ARHGAP5: variants seen among roughly 807,000 people sequenced by gnomAD.
ARHGAP5 encodes the protein Rho GTPase activating protein 5.
In ARHGAP5, 23 loss-of-function variants were observed where a neutral mutation model predicts 116.6. The observed-to-expected ratio is 0.20, with a 90% CI of 0.14 to 0.28. The LOEUF (loss-of-function observed/expected upper bound fraction) is 0.28. Among genes scored for constraint, ARHGAP5 ranks in the 10% least tolerant of loss-of-function variants. ARHGAP5 has a pLI of 1.00. For synonymous variants in ARHGAP5, 574 were observed against 602.0 expected (o/e 0.95, Z 0.68); for missense variants, 1,405 against 1,774.8 (o/e 0.79, Z 3.74).
chr14:32,114,956 G>A (rs530097489), intron 2 of ARHGAP5, among the ~76,000 whole-genome samples: 1 of 152,200 alleles, frequency 6.6e-6, no homozygotes, highest in East Asian at 1.9e-4. Flanking sequence ...AAACCAGTAC[G>A]ACAAATATGA....
chr14:32,120,292 A>G (rs1879818949), intron 3 of ARHGAP5, among the ~76,000 whole-genome samples: 2 of 151,952 alleles, frequency 1.3e-5, no homozygotes, highest in Admixed American at 6.5e-5. Context: ...CTTCCCTGAT[A>G]TTACTAAATT....
chr14:32,121,311 C>T (rs1450881887), intron 3 of ARHGAP5, among the ~76,000 whole-genome samples: 2 of 151,938 alleles, frequency 1.3e-5, no homozygotes, highest in Non-Finnish European at 2.9e-5. Context: ...AATGTTTTTT[C>T]CTTTGAGTAG....
intron 2 of ARHGAP5, among the ~76,000 whole-genome samples, chr14:32,108,150 GCC>G: frequency 6.6e-6 from 1 of 152,170 alleles, no homozygotes; most frequent in East Asian, 1.9e-4. Context: ...GGTAGGGAAA[GCC>G]AGATGGAAGT....
intron 2 of ARHGAP5, among the ~76,000 whole-genome samples, chr14:32,096,326 G>T (rs1156923974): frequency 6.6e-6 from 1 of 152,100 alleles, no homozygotes; most frequent in Non-Finnish European, 1.5e-5. Context: ...TATACTTTTA[G>T]TCAGGAGGCA....
chr14:32,127,910 C>T lies in ARHGAP5; in HGVS notation c.3865+10623C>T, dbSNP rs913845131. 8.0e-4 allele frequency among the ~76,000 whole-genome samples: 120 copies of T among 149,912 alleles called. 3 individuals are homozygous for T. The highest frequency in any genetic ancestry group is 7.2e-3 in the Admixed American group (108 of 15,046). ...CAGACGGGGCGGCTGGGCAGAGGCACTCCTCAGTTCCCAGACGTGGTCACG... is the reference window on the plus strand; with the variant it reads ...CAGACGGGGCGGCTGGGCAGAGGCATTCCTCAGTTCCCAGACGTGGTCACG... On this transcript the variant is annotated intron_variant, in intron 3 of 6. Coordinates refer to ENST00000345122, the MANE Select transcript of ARHGAP5 (RefSeq NM_001030055.2).
At position 32,129,125 on chromosome 14, in the gene ARHGAP5, CAT is replaced by C. The variant is rs544794920; in HGVS notation, c.3865+11841_3865+11842del. Among the ~76,000 whole-genome samples the C allele has an allele frequency of 5.0e-3, 767 of 152,292 alleles. 4 individuals are homozygous for C. The highest frequency in any genetic ancestry group is 8.7e-3 in the Non-Finnish European group (592 of 68,024). On this transcript the variant is annotated intron_variant, in intron 3 of 6. Transcript: ENST00000345122. ...TCTAATCTGCTGTGAGTCAGGAAAA[CAT>C]ATGGCAGAGTTAAATTGTGCTTTTG...
intron 1 of ARHGAP5, among the ~76,000 whole-genome samples, chr14:32,080,785 T>TC (rs71809883): frequency 2.0e-5 from 3 of 151,550 alleles, no homozygotes; most frequent in Admixed American, 6.6e-5. Context: ...ATTTTTTTTT[T>TC]CCCCCCACTG....
intron 1 of ARHGAP5, among the ~76,000 whole-genome samples, chr14:32,088,180 G>A (rs970383704): frequency 2.6e-5 from 4 of 151,680 alleles, no homozygotes; most frequent in Non-Finnish European, 4.4e-5. Context: ...GACAAGGGAC[G>A]GTTTTACTTT....
At chr14:32,139,879 T>G (rs148135309) in intron 3 of ARHGAP5, among the ~76,000 whole-genome samples, 21 of 150,812 alleles carry the variant, frequency 1.4e-4, no homozygotes, top group Non-Finnish European at 2.8e-4. Flanking sequence ...TTCTTTTTGT[T>G]CATGTCAAAG....
At chr14:32,109,900 C>T (rs1879201737) in intron 2 of ARHGAP5, among the ~76,000 whole-genome samples, 1 of 151,002 alleles carries the variant, frequency 6.6e-6, no homozygotes. Context: ...CTTTTTTTTT[C>T]CCCCCACTGT....
In ARHGAP5 at chr14:32,128,236, C is replaced by T. The variant is rs368641954; in HGVS notation, c.3865+10949C>T. ...GCAGAGGGGCTCCTCACATCCCAGA[C>T]GATGGGTGGCCAGGCAGACGCTCCT... On this transcript the variant is annotated intron_variant, in intron 3 of 6. Transcript: ENST00000345122. 3.1e-4 allele frequency among the ~76,000 whole-genome samples: 47 copies of T among 151,276 alleles called. No individual in the cohort carries two copies. In the East Asian group the frequency reaches 7.8e-3, roughly 25 times the overall value.
At chr14:32,136,061 A>G (rs988981096) in intron 3 of ARHGAP5, among the ~76,000 whole-genome samples, 6 of 152,230 alleles carry the variant, frequency 3.9e-5, no homozygotes, top group African/African-American at 1.4e-4. Flanking sequence ...TAGGTTCAAT[A>G]AGTTTATATA....
Position 32,092,111 on chromosome 14 carries a change from A to G in ARHGAP5, c.1442A>G (p.Glu481Gly). Reference sequence around the variant, plus strand: ...GAGGTATATGGTAGGCATCAGCGAGAAATAGTTGAAAAAGCCAAAGAAGAG... The same window carrying G: ...GAGGTATATGGTAGGCATCAGCGAGGAATAGTTGAAAAAGCCAAAGAAGAG... The part of the protein sequence containing the change: ...SKEVYGRHQR[E>G]IVEKAKEEFQ... Residue 481 changes from glutamate (E) to glycine (G), a missense_variant, in exon 2 of 7, where the codon GAA becomes GGA. By Grantham distance (98) the Glu-to-Gly change is moderately conservative. This residue lies in a region of ARHGAP5 where 944 missense variants were observed against 1,095.3 expected (regional missense o/e 0.86). Transcript: ENST00000345122. The surrounding 1 kb of genome is among the most constrained non-coding windows in gnomAD (Gnocchi z 4.1). 6.2e-7 allele frequency: 1 copy of G among 1,613,906 alleles called. No homozygotes were observed. Among genetic ancestry groups the G allele is most frequent in the East Asian group, 2.2e-5 (1 of 44,874 alleles).
At chr14:32,140,294 T>G (rs1484151426) in intron 3 of ARHGAP5, among the ~76,000 whole-genome samples, 3 of 151,920 alleles carry the variant, frequency 2.0e-5, no homozygotes, top group Non-Finnish European at 4.4e-5. Context: ...GAAGAATGTG[T>G]TGTTTGGCCG....
Position 32,090,888 on chromosome 14 carries a change from G to A in ARHGAP5, c.219G>A (p.Leu73=), listed in dbSNP as rs752051685. 1.1e-5 allele frequency: 17 copies of A among 1,613,478 alleles called. No homozygotes were observed. Among genetic ancestry groups the A allele is most frequent in the Non-Finnish European group, 1.4e-5 (17 of 1,179,614 alleles). The change falls in exon 2 of 7, where the codon TTG becomes TTA. Residue 73 remains leucine, a synonymous_variant. Coordinates refer to ENST00000345122, the MANE Select transcript of ARHGAP5 (RefSeq NM_001030055.2). Reference sequence around the variant, plus strand: ...GAGTAGTAAACAATGATCACTTTTTGTACTGGGGTGACATAATACAAAATA... The same window carrying A: ...GAGTAGTAAACAATGATCACTTTTTATACTGGGGTGACATAATACAAAATA... ...GGRVVNNDHF[L]YWGDIIQNSE...
intron 2 of ARHGAP5, among the ~76,000 whole-genome samples, chr14:32,101,811 C>T (rs140282874): frequency 1.3e-5 from 2 of 152,026 alleles, no homozygotes; most frequent in East Asian, 3.9e-4. Flanking sequence ...TGGTGAAACC[C>T]GTCTCTACTG....
chr14:32,138,190 G>A (rs1339123907), intron 3 of ARHGAP5, among the ~76,000 whole-genome samples: 1 of 151,944 alleles, frequency 6.6e-6, no homozygotes, highest in Admixed American at 6.6e-5. Flanking sequence ...GCTCATTGCT[G>A]GAGTATAAAA....
Position 32,092,155 on chromosome 14 carries a change from G to C in ARHGAP5, c.1486G>C (p.Glu496Gln). 1 of 1,613,694 alleles carries C rather than the reference G, an allele frequency of 6.2e-7. No individual in the cohort carries two copies. The highest frequency in any genetic ancestry group is 8.5e-7 in the Non-Finnish European group (1 of 1,179,764). ...AGAAGAGTTTCAAGAAATGCTTTTT[G>C]AGCATTCTGAACTTTTTTATGATTT... ...AKEEFQEMLF[E>Q]HSELFYDLDL... Residue 496 changes from glutamate to glutamine, a missense_variant, in exon 2 of 7, where the codon GAG becomes CAG. Coordinates refer to ENST00000345122, the MANE Select transcript of ARHGAP5 (RefSeq NM_001030055.2). This position sits in a 1 kb window ranked among gnomAD's most constrained non-coding sequence, Gnocchi z 4.1.
chr14:32,126,046 G>T (rs1421040359), intron 3 of ARHGAP5, among the ~76,000 whole-genome samples: 1 of 152,186 alleles, frequency 6.6e-6, no homozygotes, highest in South Asian at 2.1e-4. Context: ...TGTGAATAGG[G>T]ATACCTTTAC....
Sources: gnomAD v4.1 joint callset for allele counts (sites outside exome capture counted in the v4.1 genomes callset) on GRCh38, gnomAD v4.1.1 for gene constraint, gnomAD v4.1.1 regional missense constraint, Gnocchi (gnomAD v3.1) non-coding constraint, MANE v1.5 for transcripts, NCBI Gene and HGNC (gene_info 2026-07-23, HGNC 2026-07-21) for gene names.